Variants in PLA2G4C observed in about 807,000 individuals in gnomAD.
PLA2G4C encodes cytosolic phospholipase A2 gamma.
A neutral mutation model predicts 73.8 loss-of-function variants in PLA2G4C; 64 were observed. The ratio of observed to expected loss-of-function variants is 0.87; its 90% CI spans 0.71 to 1.07. The LOEUF is 1.07. Among genes scored for constraint, PLA2G4C ranks in the 50% least tolerant of loss-of-function variants. PLA2G4C has a pLI of 0.00. For missense variants in PLA2G4C, 622 were observed against 665.4 expected, an observed-to-expected ratio of 0.93 and a Z score of 0.72; for synonymous variants, 254 against 252.1, an observed-to-expected ratio of 1.01 and a Z score of -0.07.
Position 48,091,908 on chromosome 19 carries a change from AAT to A in PLA2G4C, c.710-1493_710-1492del, listed in dbSNP as rs1491339452. Among the ~76,000 whole-genome samples the A allele has an allele frequency of 2.2e-3, 165 of 76,124 alleles. 30 individuals are homozygous for A. Among genetic ancestry groups the A allele is most frequent in the African/African-American group, 7.5e-3 (105 of 14,044 alleles). 49.9% of individuals were successfully genotyped at this position (76,124 alleles called of 152,430 possible). On this transcript the variant is annotated intron_variant, in intron 7 of 16. Coordinates refer to ENST00000599921, the MANE Select transcript of PLA2G4C (RefSeq NM_003706.3). Reference sequence around the variant, plus strand: ...CAAAAAAAAAAAAAAAAAAAAAAAAAATAGACACACCCATTAGGATGGCTGGT... The same window carrying A: ...CAAAAAAAAAAAAAAAAAAAAAAAAAAGACACACCCATTAGGATGGCTGGT...
At chr19:48,078,901 G>A (rs111755300) in intron 10 of PLA2G4C, among the ~76,000 whole-genome samples, 2,796 of 134,232 alleles carry the variant, frequency 0.021, 90 homozygotes, top group African/African-American at 0.071. Context: ...ACTTAGTCTC[G>A]CTCTGTTGCC....
intron 10 of PLA2G4C, among the ~76,000 whole-genome samples, chr19:48,078,759 T>C (rs1300633453): frequency 6.6e-6 from 1 of 152,114 alleles, no homozygotes; most frequent in Non-Finnish European, 1.5e-5. Context: ...TGCTCATGGA[T>C]GGGTAGAATC....
intron 12 of PLA2G4C, among the ~76,000 whole-genome samples, chr19:48,069,866 GTGAT>G (rs1485859455): frequency 6.6e-6 from 1 of 152,124 alleles, no homozygotes; most frequent in Non-Finnish European, 1.5e-5. Flanking sequence ...CTGCGCTCAA[GTGAT>G]TCTCCTGCCT....
chr19:48,079,464 G>A (rs1463588094), intron 10 of PLA2G4C, among the ~76,000 whole-genome samples: 8 of 152,148 alleles, frequency 5.3e-5, no homozygotes, highest in Non-Finnish European at 2.9e-5. Flanking sequence ...TAACTGGCAA[G>A]CCACATGTAG....
intron 14 of PLA2G4C, among the ~76,000 whole-genome samples, chr19:48,057,444 T>TCTCAA (rs1393872840): frequency 2.0e-5 from 3 of 148,690 alleles, no homozygotes; most frequent in Non-Finnish European, 4.4e-5. Flanking sequence ...GGAGATGCAG[T>TCTCAA]CTCAACAAGT....
chr19:48,091,469 T>C (rs886974644), intron 7 of PLA2G4C, among the ~76,000 whole-genome samples: 2 of 152,188 alleles, frequency 1.3e-5, no homozygotes, highest in African/African-American at 4.8e-5. Context: ...ATTTCAGCTG[T>C]GAGTCACGGT....
intron 10 of PLA2G4C, among the ~76,000 whole-genome samples, chr19:48,081,116 G>A (rs1180851553): frequency 1.3e-5 from 2 of 150,702 alleles, no homozygotes; most frequent in Non-Finnish European, 1.5e-5. Context: ...GGTGAGCCGA[G>A]ATCGCGCCAC....
At position 48,099,565 on chromosome 19, in the gene PLA2G4C, C is replaced by T. The variant is rs976659080; in HGVS notation, c.447+106G>A. ...GCCCAGATTTTGATGACTTGAAAAT[C>T]CTGAAGGACTTAAAAGGTGGTGCTG... On this transcript the variant is annotated intron_variant, in intron 5 of 16. Transcript: ENST00000599921. 2.3e-5 allele frequency: 17 copies of T among 742,240 alleles called. No individual in the cohort carries two copies. The African/African-American group carries it at 2.9e-4, about 12-fold the overall frequency. The allele number at this position is 742,240 out of a possible 1,614,324, so 46.0% of individuals were successfully genotyped here.
At position 48,075,546 on chromosome 19, in the gene PLA2G4C, A is replaced by T. The variant is rs191648303; in HGVS notation, c.899-672T>A. On this transcript the variant is annotated intron_variant, in intron 11 of 16. Coordinates refer to ENST00000599921, the MANE Select transcript of PLA2G4C (RefSeq NM_003706.3). ...GATGATGTTCAACTCTCTCTCTCTC[A>T]CACACACACACTGATAATAGCTCTG... Among the ~76,000 whole-genome samples the T allele has an allele frequency of 1.2e-3, 182 of 151,726 alleles. 3 individuals are homozygous for T. The highest frequency in any genetic ancestry group is 9.2e-3 in the South Asian group (44 of 4,784).
chr19:48,087,113 G>A (rs2031023460), intron 9 of PLA2G4C, among the ~76,000 whole-genome samples: 1 of 152,210 alleles, frequency 6.6e-6, no homozygotes, highest in Non-Finnish European at 1.5e-5. Context: ...TAGGGGAATG[G>A]GGAGTGCACC....
At chr19:48,053,197 T>C (rs1417534135) in intron 15 of PLA2G4C, 50 bp from the exon 16 acceptor site, 1 of 1,431,208 alleles carries the variant, frequency 7.0e-7, no homozygotes, top group South Asian at 1.3e-5. Context: ...GTTTGGACAA[T>C]TAATTCTGCA....
In PLA2G4C at chr19:48,105,338, CA is replaced by C. The variant is rs2032122475; in HGVS notation, c.114del (p.Asp39MetfsTer25). 3.7e-6 allele frequency: 6 copies of C among 1,609,976 alleles called. No homozygotes were observed. The highest frequency in any genetic ancestry group is 5.1e-6 in the Non-Finnish European group (6 of 1,177,266). ...LKALKKLRIE[A>X]DEAPVVAVLG... is the part of the protein sequence containing the mutation. ...ACCCTCCTCCCCTCACTTACCTCAT[CA>C]GCCTCAATCCTTAGCTTCTTCAGAG... On this transcript the variant is annotated frameshift_variant, in exon 3 of 17. Transcript: ENST00000599921. LOFTEE classifies it high-confidence loss of function.
Position 48,106,565 on chromosome 19 carries a change from C to T in PLA2G4C, c.-32-4G>A, listed in dbSNP as rs767834879. The T allele has an allele frequency of 1.2e-6, 2 of 1,612,492 alleles. No homozygotes were observed. The highest frequency in any genetic ancestry group is 1.7e-6 in the Non-Finnish European group (2 of 1,178,496). On this transcript the variant is annotated splice_polypyrimidine_tract_variant and splice_region_variant and intron_variant, in intron 1 of 16. Transcript: ENST00000599921. ...GGTCAGAAAATTCTCAGTCCTCCTGCCAAAGAAATGGCTCTTCTTAGTCCT... is the reference window on the plus strand; with the variant it reads ...GGTCAGAAAATTCTCAGTCCTCCTGTCAAAGAAATGGCTCTTCTTAGTCCT...
chr19:48,098,375 G>A, intron 5 of PLA2G4C, 116 bp from the exon 6 acceptor site: 1 of 919,494 alleles, frequency 1.1e-6, no homozygotes, highest in Non-Finnish European at 1.6e-6. Flanking sequence ...ACCCAGGCTG[G>A]AGTGCAGTGG....
At chr19:48,083,392 C>CTTTTTTTTT in intron 10 of PLA2G4C, among the ~76,000 whole-genome samples, 2 of 105,828 alleles carry the variant, frequency 1.9e-5, no homozygotes, top group African/African-American at 3.6e-5. Flanking sequence ...ATTTTCTTTT[C>CTTTTTTTTT]TTTTTTTTTT....
chr19:48,075,110 C>G (rs562763753), intron 11 of PLA2G4C, among the ~76,000 whole-genome samples: 1 of 152,014 alleles, frequency 6.6e-6, no homozygotes, highest in Non-Finnish European at 1.5e-5. Flanking sequence ...CTCTACTCAT[C>G]TTTTGCACGC....
At chr19:48,083,873 C>A (rs75164013) in intron 10 of PLA2G4C, among the ~76,000 whole-genome samples, 4,175 of 152,114 alleles carry the variant, frequency 0.027, 152 homozygotes, top group African/African-American at 0.084. Context: ...AACCACCATA[C>A]GATTCCCCTA....
chr19:48,052,602 A>G (rs1967767704), intron 16 of PLA2G4C, among the ~76,000 whole-genome samples: 1 of 152,284 alleles, frequency 6.6e-6, no homozygotes. Flanking sequence ...GTAGTTCTTT[A>G]CAGCAGTGTG....
intron 16 of PLA2G4C, among the ~76,000 whole-genome samples, chr19:48,048,872 G>A (rs999439331): frequency 6.6e-6 from 1 of 152,206 alleles, no homozygotes; most frequent in Non-Finnish European, 1.5e-5. Flanking sequence ...GGGGCCCAGA[G>A]GGAGATGTTT....
Sources: allele counts gnomAD v4.1 joint callset (sites outside exome capture counted in the v4.1 genomes callset), GRCh38; gene constraint gnomAD v4.1.1; transcripts MANE v1.5; gene names NCBI Gene and HGNC (gene_info 2026-07-23, HGNC 2026-07-21).